DNAH8: variants seen among roughly 807,000 people sequenced by gnomAD.
The protein encoded by DNAH8 is axonemal beta dynein heavy chain 8.
DNAH8 carries 382 observed loss-of-function variants against 562.1 expected under a neutral mutation model. That is an observed-to-expected ratio of 0.68 (90% CI 0.63 to 0.74). The LOEUF (loss-of-function observed/expected upper bound fraction) is 0.74, where lower values mean the gene tolerates loss of function less well. Among genes scored for constraint, DNAH8 ranks in the 30% least tolerant of loss-of-function variants. The pLI is 0.00. For missense variants in DNAH8, 5,203 were observed against 5,620.4 expected (o/e 0.93, Z 2.37); for synonymous variants, 1,881 against 1,919.4 (o/e 0.98, Z 0.52).
At chr6:39,008,693 CTTTT>C (rs34058863) in intron 88 of DNAH8, 117 bp from the exon 89 acceptor site, 11 of 369,140 alleles carry the variant, frequency 3.0e-5, no homozygotes, top group South Asian at 2.0e-4. Context: ...AACTTTTCTT[CTTTT>C]TTTTTTTTTT....
intron 82 of DNAH8, among the ~76,000 whole-genome samples, chr6:38,967,755 A>C (rs1373928572): frequency 6.6e-6 from 1 of 152,156 alleles, no homozygotes; most frequent in Non-Finnish European, 1.5e-5. Flanking sequence ...CCTTTTTTAA[A>C]AATAGAAATT....
intron 7 of DNAH8, among the ~76,000 whole-genome samples, chr6:38,740,444 A>G (rs908348698): frequency 1.3e-5 from 2 of 152,200 alleles, no homozygotes; most frequent in African/African-American, 4.8e-5. Flanking sequence ...TAGTTATCTT[A>G]TCACTGTTTT....
intron 26 of DNAH8, among the ~76,000 whole-genome samples, chr6:38,819,416 T>C (rs1267091062): frequency 6.6e-6 from 1 of 152,198 alleles, no homozygotes; most frequent in Non-Finnish European, 1.5e-5. Flanking sequence ...TTTCTTCTTA[T>C]TTAATATACA....
chr6:38,737,001 G>T, intron 5 of DNAH8, 66 bp from the exon 6 acceptor site: 1 of 1,170,650 alleles, frequency 8.5e-7, no homozygotes. Context: ...TATAAAACAG[G>T]TTATGATTTT....
At chr6:39,020,666 C>G (rs1467824148) in intron 91 of DNAH8, among the ~76,000 whole-genome samples, 1 of 152,214 alleles carries the variant, frequency 6.6e-6, no homozygotes, top group East Asian at 1.9e-4. Flanking sequence ...TTAATGCTCT[C>G]CTTCCCCTTC....
At chr6:38,766,764 G>A (rs1034196504) in intron 11 of DNAH8, among the ~76,000 whole-genome samples, 8 of 151,888 alleles carry the variant, frequency 5.3e-5, no homozygotes, top group African/African-American at 1.9e-4. Context: ...CTTGATTTTG[G>A]AACATTTCAC....
In DNAH8 at chr6:38,868,136, A is replaced by T. The variant is rs762369730; in HGVS notation, c.6768A>T (p.Pro2256=). The T allele has an allele frequency of 2.5e-6, 4 of 1,613,940 alleles. No individual in the cohort carries two copies. Among genetic ancestry groups the T allele is most frequent in the Non-Finnish European group, 1.7e-6 (2 of 1,179,838 alleles). Residue 2256 remains proline (P), a synonymous_variant, in exon 48 of 93, where the codon CCA becomes CCT. Transcript: ENST00000327475. The part of the protein sequence containing the change: ...RTLGSQKRAR[P]EDSELSIVMR... ...TTGGATCTCAAAAAAGAGCCAGACC[A>T]GAAGATAGTGAATTAAGCATTGTCA... is the stretch of plus-strand genomic sequence containing the variant.
chr6:38,841,305 G>A (rs1774762446), intron 33 of DNAH8, among the ~76,000 whole-genome samples: 1 of 152,122 alleles, frequency 6.6e-6, no homozygotes, highest in African/African-American at 2.4e-5. Context: ...TGTAATCTCA[G>A]CTACTCGGGA....
chr6:39,026,880 C>T (rs913821969), intron 92 of DNAH8, among the ~76,000 whole-genome samples: 7 of 152,208 alleles, frequency 4.6e-5, no homozygotes, highest in Non-Finnish European at 1.0e-4. Context: ...CTTAGAACTC[C>T]GTAGACTACA....
chr6:39,022,224 T>C (rs1164030819), intron 91 of DNAH8, among the ~76,000 whole-genome samples: 1 of 152,152 alleles, frequency 6.6e-6, no homozygotes. Flanking sequence ...AAGTGTTTTT[T>C]TTTCTTCTCT....
chr6:39,020,481 T>A (rs1368042429), intron 91 of DNAH8, among the ~76,000 whole-genome samples: 1 of 152,206 alleles, frequency 6.6e-6, no homozygotes, highest in Non-Finnish European at 1.5e-5. Context: ...TCTCTAGGGA[T>A]GAGCCCTCTA....
chr6:38,913,760 G>A (rs114407862), intron 66 of DNAH8, 89 bp from the exon 67 acceptor site: 8,986 of 854,526 alleles, frequency 0.011, 70 homozygotes, highest in Non-Finnish European at 0.014. Flanking sequence ...TACATGTACA[G>A]TGCCTAATAA....
chr6:38,862,994 G>A (rs1217728209), intron 44 of DNAH8, among the ~76,000 whole-genome samples: 1 of 152,158 alleles, frequency 6.6e-6, no homozygotes, highest in African/African-American at 2.4e-5. Context: ...GTGATCTTAT[G>A]TAGGTCCAAA....
intron 91 of DNAH8, 80 bp from the exon 92 acceptor site, chr6:39,026,466 G>C: frequency 7.1e-7 from 1 of 1,401,944 alleles, no homozygotes; most frequent in South Asian, 1.3e-5. Flanking sequence ...TGATAAGCAA[G>C]TAACACTTAA....
intron 36 of DNAH8, among the ~76,000 whole-genome samples, chr6:38,846,151 G>A (rs957358185): frequency 6.6e-6 from 1 of 152,102 alleles, no homozygotes; most frequent in East Asian, 1.9e-4. Flanking sequence ...CCAATGGCCC[G>A]GGAAAAGCCT....
intron 11 of DNAH8, among the ~76,000 whole-genome samples, chr6:38,766,731 T>C (rs754348117): frequency 1.3e-5 from 2 of 151,940 alleles, no homozygotes; most frequent in Non-Finnish European, 1.5e-5. Flanking sequence ...AATAACTATG[T>C]GAAGTGAGGA....
chr6:38,807,486 G>T, intron 23 of DNAH8, 124 bp from the exon 24 acceptor site: 1 of 425,328 alleles, frequency 2.4e-6, no homozygotes, highest in Admixed American at 4.3e-5. Flanking sequence ...CAATATCATT[G>T]AAATTGTATA....
rs1258827200 is a variant in DNAH8 at position 38,855,737 on chromosome 6, C to T, written c.5734-1781C>T. ...GTATAGAACAAGGGTCCCCAACCACCCCCACCCGGCCCGGCCACAAACCGG... is the reference window on the plus strand; with the variant it reads ...GTATAGAACAAGGGTCCCCAACCACTCCCACCCGGCCCGGCCACAAACCGG... On this transcript the variant is annotated intron_variant, in intron 41 of 92. Transcript: ENST00000327475. Among the ~76,000 whole-genome samples the T allele has an allele frequency of 3.3e-5, 5 of 152,210 alleles. 1 individual carries two copies. The highest frequency in any genetic ancestry group is 1.2e-4 in the African/African-American group (5 of 41,516).
chr6:38,797,200 C>A (rs1236023722), intron 21 of DNAH8, among the ~76,000 whole-genome samples: 1 of 152,150 alleles, frequency 6.6e-6, no homozygotes, highest in Non-Finnish European at 1.5e-5. Flanking sequence ...TTGACTCCAG[C>A]CTAGCCAACA....
Sources: allele counts gnomAD v4.1 joint callset (sites outside exome capture counted in the v4.1 genomes callset), GRCh38; gene constraint gnomAD v4.1.1; transcripts MANE v1.5; gene names NCBI Gene and HGNC (gene_info 2026-07-23, HGNC 2026-07-21).